LRRFIP1: variants seen among roughly 807,000 people sequenced by gnomAD.
LRRFIP1 encodes LRR binding FLII interacting protein 1.
In LRRFIP1, 62 loss-of-function variants were observed where a neutral mutation model predicts 104.4. The observed-to-expected ratio is 0.59, with a 90% CI of 0.48 to 0.73. The LOEUF is 0.73. LRRFIP1 is among the 30% of genes least tolerant of loss of function. LRRFIP1 has a pLI of 0.00. For synonymous variants in LRRFIP1, 300 were observed against 299.0 expected, an observed-to-expected ratio of 1.00 and a Z score of -0.03; for missense variants, 796 against 824.5, an observed-to-expected ratio of 0.97 and a Z score of 0.42.
At chr2:237,639,574 T>C (rs1037812619) in intron 1 of LRRFIP1, among the ~76,000 whole-genome samples, 65 of 152,200 alleles carry the variant, frequency 4.3e-4, no homozygotes, top group Admixed American at 2.6e-4. Context: ...CCAGCCTTGT[T>C]CTGCACGGTT....
intron 3 of LRRFIP1, among the ~76,000 whole-genome samples, chr2:237,715,903 C>T (rs2094315361): frequency 6.6e-6 from 1 of 152,166 alleles, no homozygotes; most frequent in Non-Finnish European, 1.5e-5. Flanking sequence ...GCGTTCTCTC[C>T]CCAGGAATGA....
intron 8 of LRRFIP1, among the ~76,000 whole-genome samples, chr2:237,732,302 C>T (rs955913963): frequency 6.6e-6 from 1 of 152,204 alleles, no homozygotes; most frequent in African/African-American, 2.4e-5. Context: ...CCTCTCTCTC[C>T]TCTCTGCTGC....
intron 11 of LRRFIP1, among the ~76,000 whole-genome samples, chr2:237,743,081 A>C (rs2057337904): frequency 6.6e-6 from 1 of 152,170 alleles, no homozygotes; most frequent in Non-Finnish European, 1.5e-5. Context: ...GGGGTTAGCC[A>C]GGGATGGGAT....
At position 237,772,847 on chromosome 2, in the gene LRRFIP1, C is replaced by T; in HGVS notation, c.1628-19C>T. 1 of 1,573,808 alleles carries T rather than the reference C, an allele frequency of 6.4e-7. No homozygotes were observed. The highest frequency in any genetic ancestry group is 8.7e-7 in the Non-Finnish European group (1 of 1,144,586). On this transcript the variant is annotated intron_variant, in intron 21 of 23. Coordinates refer to ENST00000308482, the MANE Select transcript of LRRFIP1 (RefSeq NM_001137550.2). ...AAGCCCAAGAGCTTAACAGATTTTC[C>T]TTCTCTTTCAACCTTTAGGGGATGC...
intron 11 of LRRFIP1, among the ~76,000 whole-genome samples, chr2:237,745,447 G>A (rs1333099190): frequency 1.3e-5 from 2 of 152,030 alleles, no homozygotes; most frequent in East Asian, 1.9e-4. Context: ...TGTGTTCTTC[G>A]GAGCAAGGAC....
chr2:237,766,360 G>T lies in LRRFIP1; in HGVS notation c.1460-3583G>T, dbSNP rs2060254621. 6.6e-6 allele frequency among the ~76,000 whole-genome samples: 1 copy of T among 152,080 alleles called. No homozygotes were observed. The highest frequency in any genetic ancestry group is 2.1e-4 in the South Asian group (1 of 4,834). On this transcript the variant is annotated intron_variant, in intron 19 of 23. Transcript: ENST00000308482. The surrounding 1 kb of genome is among the most constrained non-coding windows in gnomAD (Gnocchi z 4.8). ...CCAAGGGCTCTATAGGACTTCACAG[G>T]GTTTTAGTTTATGTCTCTAACTTTA... is the stretch of plus-strand genomic sequence containing the variant.
At chr2:237,645,684 A>T (rs377392795) in intron 1 of LRRFIP1, among the ~76,000 whole-genome samples, 1 of 152,038 alleles carries the variant, frequency 6.6e-6, no homozygotes, top group East Asian at 1.9e-4. Context: ...AAGAGTAACA[A>T]CTTTCTTCAT....
intron 1 of LRRFIP1, among the ~76,000 whole-genome samples, chr2:237,659,379 A>G (rs1279397657): frequency 6.6e-6 from 1 of 151,958 alleles, no homozygotes; most frequent in Non-Finnish European, 1.5e-5. Context: ...TACAGGCAAG[A>G]GCCACTGTGC....
chr2:237,640,860 T>TC (rs2083849639), intron 1 of LRRFIP1, among the ~76,000 whole-genome samples: 1 of 151,696 alleles, frequency 6.6e-6, no homozygotes, highest in Non-Finnish European at 1.5e-5. Context: ...ATCCAAAGAC[T>TC]CCCCCTTCCA....
intron 9 of LRRFIP1, among the ~76,000 whole-genome samples, chr2:237,734,081 G>A (rs1408322339): frequency 1.4e-5 from 2 of 144,310 alleles, no homozygotes; most frequent in Admixed American, 1.4e-4. Flanking sequence ...AGGCAGGAAT[G>A]GAACAACAGC....
rs1443666847 is a variant in LRRFIP1 at position 237,774,426 on chromosome 2, T to C, written c.1776T>C (p.Asp592=). 6.2e-7 allele frequency: 1 copy of C among 1,613,458 alleles called. No homozygotes were observed. Among genetic ancestry groups the C allele is most frequent in the Non-Finnish European group, 8.5e-7 (1 of 1,179,714 alleles). Residue 592 remains aspartate, a synonymous_variant, in exon 23 of 24, where the codon GAT becomes GAC. Transcript: ENST00000308482. Reference sequence around the variant, plus strand: ...CTGAAAATGCAGAAAAAATAGAAGATGAACTTAAGGCAGAAAAACGGAAAC... The same window carrying C: ...CTGAAAATGCAGAAAAAATAGAAGACGAACTTAAGGCAGAAAAACGGAAAC... ...SAAENAEKIE[D]ELKAEKRKLQ...
At chr2:237,650,810 C>A (rs1193367113) in intron 1 of LRRFIP1, among the ~76,000 whole-genome samples, 1 of 152,140 alleles carries the variant, frequency 6.6e-6, no homozygotes, top group Non-Finnish European at 1.5e-5. Flanking sequence ...AGAGGGAGAT[C>A]AAAGATGGTC....
At chr2:237,737,721 T>C (rs1359526236) in intron 10 of LRRFIP1, among the ~76,000 whole-genome samples, 1 of 152,204 alleles carries the variant, frequency 6.6e-6, no homozygotes, top group African/African-American at 2.4e-5. Context: ...GTTTTCCTTA[T>C]TTTCAACAAG....
chr2:237,677,719 T>C (rs915417391), intron 1 of LRRFIP1, among the ~76,000 whole-genome samples: 1 of 152,194 alleles, frequency 6.6e-6, no homozygotes, highest in Admixed American at 6.5e-5. Context: ...TATCTGATAT[T>C]ATCGAGCCAC....
At chr2:237,629,981 C>T (rs985686806) in intron 1 of LRRFIP1, among the ~76,000 whole-genome samples, 1 of 152,192 alleles carries the variant, frequency 6.6e-6, no homozygotes, top group Non-Finnish European at 1.5e-5. Context: ...CTCTGGGCCT[C>T]TGTTTTCTCG....
intron 1 of LRRFIP1, among the ~76,000 whole-genome samples, chr2:237,706,784 C>T (rs754500034): frequency 3.3e-5 from 5 of 152,166 alleles, no homozygotes; most frequent in Non-Finnish European, 7.4e-5. Flanking sequence ...TGTGCTACCA[C>T]ACCTGGCTAG....
chr2:237,771,563 C>G lies in LRRFIP1; in HGVS notation c.1510-518C>G, dbSNP rs1009319303. 2.0e-3 allele frequency among the ~76,000 whole-genome samples: 183 copies of G among 92,794 alleles called. 10 individuals carry two copies. The highest frequency in any genetic ancestry group is 4.5e-3 in the Middle Eastern group (1 of 220). The allele number at this position is 92,794 out of a possible 152,430, so 60.9% of individuals were successfully genotyped here. A position where few individuals can be genotyped will look rare whatever the true frequency, so the allele number is the denominator to read the frequency against. On this transcript the variant is annotated intron_variant, in intron 20 of 23. Coordinates refer to ENST00000308482, the MANE Select transcript of LRRFIP1 (RefSeq NM_001137550.2). ...GTCCTGGAACCAATCCCCCCCCCCCCCCGCCCAGATACCAAGGGACAACTG... is the reference window on the plus strand; with the variant it reads ...GTCCTGGAACCAATCCCCCCCCCCCGCCGCCCAGATACCAAGGGACAACTG...
At chr2:237,754,295 C>T (rs1246867979) in intron 15 of LRRFIP1, among the ~76,000 whole-genome samples, 3 of 152,174 alleles carry the variant, frequency 2.0e-5, no homozygotes, top group Non-Finnish European at 2.9e-5. Flanking sequence ...TTAAATATAT[C>T]ACCAAGCTCA....
intron 1 of LRRFIP1, among the ~76,000 whole-genome samples, chr2:237,664,474 C>T (rs2088791537): frequency 6.6e-6 from 1 of 152,180 alleles, no homozygotes; most frequent in Non-Finnish European, 1.5e-5. Flanking sequence ...ACAGAAAAGT[C>T]ACGTTGTTGT....
Sources: allele counts gnomAD v4.1 joint callset (sites outside exome capture counted in the v4.1 genomes callset), GRCh38; gene constraint gnomAD v4.1.1; non-coding constraint Gnocchi (gnomAD v3.1); transcripts MANE v1.5; gene names NCBI Gene and HGNC (gene_info 2026-07-23, HGNC 2026-07-21).